The following DYSF variants were observed in gnomAD, a reference collection of about 807,000 sequenced individuals.
DYSF encodes dysferlin.
A neutral mutation model predicts 274.9 loss-of-function variants in DYSF; 212 were observed. The ratio of observed to expected loss-of-function variants is 0.77; its 90% confidence interval spans 0.69 to 0.86. The LOEUF (loss-of-function observed/expected upper bound fraction) is 0.86. Ranked by LOEUF, DYSF falls within the 40% of genes least tolerant of loss-of-function variation. DYSF has a pLI of 0.00. For synonymous variants in DYSF, 1,091 were observed against 1,078.7 expected (o/e 1.01, Z -0.22); for missense variants, 2,666 against 2,783.2 (o/e 0.96, Z 0.95).
chr2:71,477,806 T>A (rs2082514042), intron 1 of DYSF, among the ~76,000 whole-genome samples: 1 of 152,240 alleles, frequency 6.6e-6, no homozygotes, highest in African/African-American at 2.4e-5. Flanking sequence ...GAACTACTAC[T>A]TGTTGAGTTT....
chr2:71,455,003 C>T (rs2080997743), intron 1 of DYSF, among the ~76,000 whole-genome samples: 3 of 151,616 alleles, frequency 2.0e-5, no homozygotes, highest in Admixed American at 2.0e-4. Flanking sequence ...TCAGCCTCCA[C>T]TACCTGCCAC....
chr2:71,661,134 AAAAG>A (rs1188400380), intron 45 of DYSF, among the ~76,000 whole-genome samples: 2 of 151,118 alleles, frequency 1.3e-5, no homozygotes, highest in South Asian at 2.1e-4. Context: ...AAAAAAAAAA[AAAAG>A]AAAGAAAAAG....
intron 1 of DYSF, among the ~76,000 whole-genome samples, chr2:71,471,555 C>T (rs1423591865): frequency 6.6e-6 from 1 of 152,210 alleles, no homozygotes; most frequent in Non-Finnish European, 1.5e-5. Context: ...AAGAGAATAA[C>T]TATGTAATAT....
At chr2:71,507,301 G>A in intron 4 of DYSF, among the ~76,000 whole-genome samples, 1 of 152,130 alleles carries the variant, frequency 6.6e-6, no homozygotes, top group East Asian at 1.9e-4. Flanking sequence ...GGGCAGCCCA[G>A]GTGTGGCCCC....
chr2:71,683,805 G>T (rs914517936), intron 55 of DYSF, among the ~76,000 whole-genome samples: 1 of 152,234 alleles, frequency 6.6e-6, no homozygotes, highest in African/African-American at 2.4e-5. Context: ...TTTGCTCTGT[G>T]AGTCCTCCAG....
At chr2:71,590,086 G>C in intron 31 of DYSF, 125 bp from the exon 32 acceptor site, 2 of 914,302 alleles carry the variant, frequency 2.2e-6, no homozygotes, top group Non-Finnish European at 3.6e-6. Context: ...GGCCTGTGTG[G>C]TTTCCCTCAT....
intron 53 of DYSF, 37 bp downstream of exon 53, chr2:71,679,272 G>A: frequency 6.2e-7 from 1 of 1,601,592 alleles, no homozygotes; most frequent in Non-Finnish European, 8.5e-7. Context: ...GGAGGGCATG[G>A]GGGAAGCTTC....
chr2:71,492,706 C>A (rs867228760), intron 3 of DYSF, among the ~76,000 whole-genome samples: 17 of 141,830 alleles, frequency 1.2e-4, no homozygotes, highest in South Asian at 2.6e-4. Flanking sequence ...CCTCCCCCCC[C>A]CCCTTTTCTT....
chr2:71,532,725 A>G (rs968919114), intron 14 of DYSF, among the ~76,000 whole-genome samples: 1 of 151,924 alleles, frequency 6.6e-6, no homozygotes, highest in African/African-American at 2.4e-5. Flanking sequence ...TTCTTATTCC[A>G]GGGACCTGGG....
chr2:71,470,689 A>AAAAG (rs1558936019), intron 1 of DYSF, among the ~76,000 whole-genome samples: 3 of 148,598 alleles, frequency 2.0e-5, no homozygotes, highest in African/African-American at 7.4e-5. Context: ...AAAAAAAAAA[A>AAAAG]AAAAGAAAAG....
Position 71,612,685 on chromosome 2 carries a change from G to T in DYSF, c.4266G>T (p.Lys1422Asn), listed in dbSNP as rs754248938. Residue 1422 changes from lysine (K) to asparagine (N), a missense_variant, in exon 39 of 56, where the codon AAG becomes AAT. Coordinates refer to ENST00000410020, the MANE Select transcript of DYSF (RefSeq NM_001130987.2). The part of the protein sequence containing the change: ...EELYCPPITV[K>N]VIDNRQFGRR... ...TCTACTGCCCCCCCATCACCGTCAAGGTCATCGATAACCGCCAGTTTGGCC... is the reference window on the plus strand; with the variant it reads ...TCTACTGCCCCCCCATCACCGTCAATGTCATCGATAACCGCCAGTTTGGCC... 2.6e-5 allele frequency: 42 copies of T among 1,614,198 alleles called. No individual in the cohort carries two copies. In the South Asian group the frequency reaches 4.4e-4, roughly 17 times the overall value.
At chr2:71,565,246 CTTTT>C (rs796705736) in intron 24 of DYSF, among the ~76,000 whole-genome samples, 1,713 of 131,336 alleles carry the variant, frequency 0.013, 37 homozygotes, top group African/African-American at 0.046. Flanking sequence ...CCACCCAGCT[CTTTT>C]TTTTTTTTTT....
At chr2:71,657,280 C>G (rs2152939058) in intron 43 of DYSF, among the ~76,000 whole-genome samples, 1 of 152,304 alleles carries the variant, frequency 6.6e-6, no homozygotes, top group African/African-American at 2.4e-5. Context: ...CATGCTGACG[C>G]AAAAGGTAGG....
At chr2:71,566,232 GC>G (rs2092097055) in intron 24 of DYSF, among the ~76,000 whole-genome samples, 1 of 150,880 alleles carries the variant, frequency 6.6e-6, no homozygotes, top group East Asian at 2.0e-4. Flanking sequence ...CGGGGGCGGG[GC>G]GGGGGGTGCT....
intron 1 of DYSF, chr2:71,454,110 C>T (rs779302875): frequency 1.6e-5 from 25 of 1,608,626 alleles, no homozygotes; most frequent in Non-Finnish European, 2.1e-5. Context: ...ACCACCCTCG[C>T]CCGGGGTCGG....
At chr2:71,503,081 C>A (rs2085150804) in intron 3 of DYSF, 133 bp from the exon 4 acceptor site, 5 of 815,024 alleles carry the variant, frequency 6.1e-6, no homozygotes, top group Non-Finnish European at 1.1e-5. Context: ...TGCAGGAGAG[C>A]CCTCGTGGGG....
intron 41 of DYSF, among the ~76,000 whole-genome samples, chr2:71,639,921 G>A (rs1447015617): frequency 1.3e-5 from 2 of 152,230 alleles, no homozygotes; most frequent in Admixed American, 6.5e-5. Flanking sequence ...TTATCAGTAA[G>A]AGCAATAAAC....
rs563218896 is a variant in DYSF at position 71,628,910 on chromosome 2, C to T, written c.4527+8301C>T. 8.6e-5 allele frequency among the ~76,000 whole-genome samples: 13 copies of T among 152,034 alleles called. No homozygotes were observed. In the South Asian group the frequency reaches 2.7e-3, roughly 32 times the overall value. On this transcript the variant is annotated intron_variant, in intron 41 of 55. Coordinates refer to ENST00000410020, the MANE Select transcript of DYSF (RefSeq NM_001130987.2). ...AAGGGTGCAGTGAGCCATGATTGTG[C>T]CACTGCACTCTAGCCTGGCCCACAG...
chr2:71,630,319 T>G (rs1269655477), intron 41 of DYSF, among the ~76,000 whole-genome samples: 1 of 152,250 alleles, frequency 6.6e-6, no homozygotes, highest in Non-Finnish European at 1.5e-5. Context: ...CTGAAGAGTT[T>G]ATTTCCTATG....
Sources: allele counts gnomAD v4.1 joint callset (sites outside exome capture counted in the v4.1 genomes callset), GRCh38; gene constraint gnomAD v4.1.1; transcripts MANE v1.5; gene names NCBI Gene and HGNC (gene_info 2026-07-23, HGNC 2026-07-21).